Variants in OMA1 observed in about 807,000 individuals in gnomAD.
OMA1 encodes metalloendopeptidase OMA1, mitochondrial.
In OMA1, 38 loss-of-function variants were observed where a neutral mutation model predicts 30.9. That is an observed-to-expected ratio of 1.23 (90% confidence interval 0.95 to 1.61). OMA1 has a LOEUF of 1.61. Ranked by LOEUF, OMA1 falls within the 40% of genes most tolerant of loss-of-function variation. The pLI, the probability that OMA1 is intolerant of heterozygous loss-of-function variation, is 0.00. For missense variants in OMA1, 461 were observed against 349.2 expected (o/e 1.32, Z -2.55); for synonymous variants, 173 against 121.9 (o/e 1.42, Z -2.76).
intron 7 of OMA1, among the ~76,000 whole-genome samples, chr1:58,506,411 A>G (rs1359348841): frequency 1.3e-5 from 2 of 152,210 alleles, no homozygotes; most frequent in Non-Finnish European, 2.9e-5. Context: ...AGCATTAGTT[A>G]TATCTCCTAA....
At position 58,518,334 on chromosome 1, in the gene OMA1, AGAAGAGAAGAGAAGAGAAGG is replaced by A. The variant is rs1557450356; in HGVS notation, c.1215+8907_1215+8926del. Reference sequence around the variant, plus strand: ...AGAAGAGAAGAGAAGAGAAGAGAAGAGAAGAGAAGAGAAGAGAAGGGAAGGGAAGAGAAGAGAAGGGAAGA... The same window carrying A: ...AGAAGAGAAGAGAAGAGAAGAGAAGAGAAGGGAAGAGAAGAGAAGGGAAGA... On this transcript the variant is annotated intron_variant, in intron 7 of 8. Transcript: ENST00000371226. Among the ~76,000 whole-genome samples the A allele has an allele frequency of 3.6e-4, 37 of 103,298 alleles. 6 individuals are homozygous for A. Among genetic ancestry groups the A allele is most frequent in the African/African-American group, 6.5e-4 (15 of 23,042 alleles). The allele number at this position is 103,298 out of a possible 152,430, so 67.8% of individuals were successfully genotyped here. A position where few individuals can be genotyped will look rare whatever the true frequency, so the allele number is the denominator to read the frequency against.
Position 58,538,968 on chromosome 1 carries a change from T to C in OMA1, c.327A>G (p.Leu109=), listed in dbSNP as rs765120826. 1 of 872,886 alleles carries C rather than the reference T, an allele frequency of 1.1e-6. No individual in the cohort carries two copies. The allele number at this position is 872,886 out of a possible 1,614,324, so 54.1% of individuals were successfully genotyped here. A position where few individuals can be genotyped will look rare whatever the true frequency, so the allele number is the denominator to read the frequency against. ...VWNDAFSRQL[L]IKEVTAVPSL... is the part of the protein sequence containing the mutation. The stretch of plus-strand genomic sequence containing the variant: ...TAGGGACTGCTGTAACTTCTTTTAT[T>C]AGCAGCTGTCTTGAAAAAGCATCAT... Residue 109 remains leucine (L), a synonymous_variant, in exon 2 of 9, where the codon CTA becomes CTG. Transcript: ENST00000371226.
intron 7 of OMA1, among the ~76,000 whole-genome samples, chr1:58,513,413 A>C (rs1435464085): frequency 4.6e-5 from 7 of 152,128 alleles, no homozygotes; most frequent in Admixed American, 4.6e-4. Context: ...ACAGCAACTA[A>C]TTCAGTCTAA....
At chr1:58,535,371 C>G (rs1646499945) in intron 3 of OMA1, among the ~76,000 whole-genome samples, 1 of 152,002 alleles carries the variant, frequency 6.6e-6, no homozygotes, top group South Asian at 2.1e-4. Context: ...AGGAGGTGGG[C>G]AGATCACGAG....
intron 1 of OMA1, chr1:58,542,581 A>G (rs1646639131): frequency 6.6e-6 from 1 of 152,188 alleles, no homozygotes; most frequent in Admixed American, 6.5e-5. Flanking sequence ...AAGACAAAAA[A>G]AAATGGAAAG....
At chr1:58,534,438 A>G in intron 3 of OMA1, 107 bp from the exon 4 acceptor site, 1 of 586,124 alleles carries the variant, frequency 1.7e-6, no homozygotes, top group Non-Finnish European at 3.0e-6. Context: ...TTAAGTTTTA[A>G]TTATATAAAA....
chr1:58,536,425 A>C (rs576383464), intron 3 of OMA1, 88 bp downstream of exon 3: 2 of 680,866 alleles, frequency 2.9e-6, no homozygotes, highest in African/African-American at 3.6e-5. Context: ...CTAAAATTAA[A>C]AAACAACATA....
At chr1:58,482,953 A>G (rs1645514755) in intron 8 of OMA1, among the ~76,000 whole-genome samples, 1 of 152,174 alleles carries the variant, frequency 6.6e-6, no homozygotes, top group East Asian at 1.9e-4. Context: ...AAGAATGAAA[A>G]TGGAGGCCCA....
intron 1 of OMA1, among the ~76,000 whole-genome samples, chr1:58,544,711 A>G (rs144715268): frequency 1.6e-3 from 238 of 152,246 alleles, no homozygotes; most frequent in Middle Eastern, 0.014. Flanking sequence ...CTCGTGCCTC[A>G]GTCTCCTCAG....
chr1:58,482,683 G>T (rs897482124), intron 8 of OMA1, among the ~76,000 whole-genome samples: 2 of 152,066 alleles, frequency 1.3e-5, no homozygotes, highest in Non-Finnish European at 2.9e-5. Context: ...TGACTTTGGG[G>T]GTCAAGAGGG....
At chr1:58,501,888 T>TA (rs1361232465) in intron 8 of OMA1, among the ~76,000 whole-genome samples, 1 of 152,108 alleles carries the variant, frequency 6.6e-6, no homozygotes, top group East Asian at 1.9e-4. Context: ...AGTAGCTTTA[T>TA]AAAAAGAGAC....
intron 8 of OMA1, among the ~76,000 whole-genome samples, chr1:58,500,371 T>C (rs1010183105): frequency 6.6e-6 from 1 of 152,204 alleles, no homozygotes; most frequent in African/African-American, 2.4e-5. Flanking sequence ...AACAACGACA[T>C]TTCACTTCAA....
At chr1:58,484,203 G>A (rs749350815) in intron 8 of OMA1, among the ~76,000 whole-genome samples, 6 of 152,074 alleles carry the variant, frequency 3.9e-5, no homozygotes, top group East Asian at 1.9e-4. Context: ...GTATTTCTCC[G>A]TTACTGGGCA....
At chr1:58,493,531 C>A (rs1445854167) in intron 8 of OMA1, among the ~76,000 whole-genome samples, 3 of 151,160 alleles carry the variant, frequency 2.0e-5, no homozygotes, top group South Asian at 4.2e-4. Context: ...TCGTCTCAGC[C>A]CAAAATCTCC....
intron 7 of OMA1, among the ~76,000 whole-genome samples, chr1:58,523,622 G>A (rs534260614): frequency 3.5e-4 from 54 of 152,262 alleles, no homozygotes; most frequent in Middle Eastern, 6.8e-3. Flanking sequence ...AGTCCTGGCC[G>A]GGCGCAGTGG....
chr1:58,538,996 C>T lies in OMA1; in HGVS notation c.299G>A (p.Trp100Ter). 1.1e-6 allele frequency: 1 copy of T among 872,842 alleles called. No individual in the cohort carries two copies. The highest frequency in any genetic ancestry group is 2.0e-6 in the Non-Finnish European group (1 of 501,614). The allele number at this position is 872,842 out of a possible 1,614,324, so 54.1% of individuals were successfully genotyped here. A position where few individuals can be genotyped will look rare whatever the true frequency, so the allele number is the denominator to read the frequency against. Residue 100 changes from tryptophan (W) to a stop codon, truncating the protein, a stop_gained, in exon 2 of 9, where the codon TGG (tryptophan) becomes TAG (stop). Coordinates refer to ENST00000371226, the MANE Select transcript of OMA1 (RefSeq NM_145243.5). LOFTEE classifies it high-confidence loss of function. ...CAGCTGTCTTGAAAAAGCATCATTC[C>T]ATACAGTACATTTGCTGGTAATCCT... ...IWRITSKCTV[W>*]NDAFSRQLLI...
chr1:58,497,641 G>A (rs1645825374), intron 8 of OMA1, among the ~76,000 whole-genome samples: 1 of 152,106 alleles, frequency 6.6e-6, no homozygotes, highest in East Asian at 1.9e-4. Context: ...TTTTCTCAGA[G>A]AAATATGTAT....
At chr1:58,523,866 T>G (rs1646307642) in intron 7 of OMA1, among the ~76,000 whole-genome samples, 1 of 152,038 alleles carries the variant, frequency 6.6e-6, no homozygotes, top group African/African-American at 2.4e-5. Context: ...ACCACTGCAC[T>G]CCAGCCTGGG....
chr1:58,496,382 C>T (rs1055386499), intron 8 of OMA1, among the ~76,000 whole-genome samples: 1 of 152,166 alleles, frequency 6.6e-6, no homozygotes, highest in Non-Finnish European at 1.5e-5. Flanking sequence ...CTGTCACTTT[C>T]AGTGCAGTTA....
Sources: gnomAD v4.1 joint callset for allele counts (sites outside exome capture counted in the v4.1 genomes callset) on GRCh38, gnomAD v4.1.1 for gene constraint, MANE v1.5 for transcripts, NCBI Gene and HGNC (gene_info 2026-07-23, HGNC 2026-07-21) for gene names.